PPM1L: variants seen among roughly 807,000 people sequenced by gnomAD.
PPM1L encodes protein phosphatase, Mg2+/Mn2+ dependent 1L, also known as protein phosphatase 1L.
In PPM1L, 13 loss-of-function variants were observed where a neutral mutation model predicts 31.4. The observed-to-expected ratio is 0.41, with a 90% CI of 0.27 to 0.66. PPM1L has a LOEUF of 0.66. PPM1L is among the 30% of genes least tolerant of loss of function. The pLI is 0.29. For synonymous variants in PPM1L, 184 were observed against 175.4 expected, an observed-to-expected ratio of 1.05 and a Z score of -0.39; for missense variants, 326 against 453.7, an observed-to-expected ratio of 0.72 and a Z score of 2.56.
intron 1 of PPM1L, among the ~76,000 whole-genome samples, chr3:160,913,323 G>C (rs1289973069): frequency 6.6e-6 from 1 of 152,134 alleles, no homozygotes; most frequent in Non-Finnish European, 1.5e-5. Flanking sequence ...AGTGAACCCT[G>C]ATGTCAGAGG....
intron 2 of PPM1L, among the ~76,000 whole-genome samples, chr3:160,970,931 C>A (rs970308209): frequency 2.0e-5 from 3 of 151,898 alleles, no homozygotes; most frequent in African/African-American, 7.3e-5. Context: ...GCTGGGACTA[C>A]AGGCGCCCGC....
chr3:161,015,718 T>C (rs7628389), intron 2 of PPM1L, among the ~76,000 whole-genome samples: 54,707 of 152,086 alleles, frequency 0.36, 10,365 homozygotes, highest in East Asian at 0.64. Flanking sequence ...ATCAGTTTAC[T>C]AAGCTAGCTG....
At chr3:160,983,167 TG>T (rs1336128614) in intron 2 of PPM1L, among the ~76,000 whole-genome samples, 1 of 152,200 alleles carries the variant, frequency 6.6e-6, no homozygotes, top group Non-Finnish European at 1.5e-5. Context: ...CTGTAGGCCT[TG>T]CATTTTAAAA....
At chr3:161,035,270 T>G (rs1718712641) in intron 2 of PPM1L, among the ~76,000 whole-genome samples, 1 of 151,392 alleles carries the variant, frequency 6.6e-6, no homozygotes, top group South Asian at 2.1e-4. Flanking sequence ...TTCTGCTTAT[T>G]GAATAGGTAA....
At chr3:160,776,356 A>G (rs1310867767) in intron 1 of PPM1L, among the ~76,000 whole-genome samples, 7 of 152,166 alleles carry the variant, frequency 4.6e-5, no homozygotes, top group East Asian at 1.9e-4. Flanking sequence ...TACTCATGCA[A>G]TTATTACTGA....
chr3:160,816,168 C>T (rs57828617), intron 1 of PPM1L, among the ~76,000 whole-genome samples: 13,933 of 152,028 alleles, frequency 0.092, 975 homozygotes, highest in African/African-American at 0.19. Flanking sequence ...TGATTCTTCT[C>T]TCCTCCTTAA....
intron 1 of PPM1L, among the ~76,000 whole-genome samples, chr3:160,776,693 T>G (rs1163118062): frequency 1.3e-5 from 2 of 150,296 alleles, no homozygotes; most frequent in Non-Finnish European, 3.0e-5. Context: ...AGCCTCTACC[T>G]CTGGGTTCTA....
intron 2 of PPM1L, among the ~76,000 whole-genome samples, chr3:160,996,611 G>T (rs1030525815): frequency 1.3e-5 from 2 of 152,100 alleles, no homozygotes; most frequent in East Asian, 3.9e-4. Flanking sequence ...ACATAAGAAT[G>T]ATACAGAGGG....
intron 1 of PPM1L, among the ~76,000 whole-genome samples, chr3:160,929,854 C>T (rs1714725879): frequency 6.6e-6 from 1 of 152,202 alleles, no homozygotes; most frequent in South Asian, 2.1e-4. Flanking sequence ...CAGTCTAGCA[C>T]AGTCCCCACC....
At position 160,756,704 on chromosome 3, in the gene PPM1L, AGAGGTAG is replaced by A. The variant is rs1207433928; in HGVS notation, c.399+1_399+7del. On this transcript the variant is annotated splice_donor_variant and splice_donor_region_variant and coding_sequence_variant and intron_variant, in exon 1 of 4. Transcript: ENST00000498165. LOFTEE classifies it high-confidence loss of function. The surrounding 1 kb of genome is among the most constrained non-coding windows in gnomAD (Gnocchi z 6.2). ...TCGGGATCTTCGACGGGCACGGGGG[AGAGGTAG>A]GAGCTACCCCGGGGCTTTGTATTTG... 3 of 1,612,284 alleles carry A rather than the reference AGAGGTAG, an allele frequency of 1.9e-6. No individual in the cohort carries two copies. The highest frequency in any genetic ancestry group is 2.5e-6 in the Non-Finnish European group (3 of 1,179,566).
chr3:161,042,421 C>T (rs1394611546), intron 2 of PPM1L, among the ~76,000 whole-genome samples: 1 of 152,094 alleles, frequency 6.6e-6, no homozygotes, highest in Admixed American at 6.6e-5. Context: ...CTTGTTTGAG[C>T]CAGAGCAGCA....
At chr3:161,034,981 G>C (rs1718703481) in intron 2 of PPM1L, among the ~76,000 whole-genome samples, 1 of 151,838 alleles carries the variant, frequency 6.6e-6, no homozygotes, top group Non-Finnish European at 1.5e-5. Flanking sequence ...AACTAACACA[G>C]GAACAGAAAA....
chr3:161,019,418 G>A (rs902753576), intron 2 of PPM1L, among the ~76,000 whole-genome samples: 1 of 151,986 alleles, frequency 6.6e-6, no homozygotes, highest in Non-Finnish European at 1.5e-5. Flanking sequence ...GGTTGGTCTC[G>A]AACTCCAGAT....
chr3:160,824,743 A>G (rs1267681102), intron 1 of PPM1L, among the ~76,000 whole-genome samples: 1 of 152,170 alleles, frequency 6.6e-6, no homozygotes, highest in Non-Finnish European at 1.5e-5. Flanking sequence ...GTATAGATTT[A>G]TGTTTTTCAG....
rs1711631156 is a variant in PPM1L, at chr3:160,854,858, A to G, written c.399+98151A>G. Among the ~76,000 whole-genome samples the G allele has an allele frequency of 2.1e-5, 3 of 143,130 alleles. No individual in the cohort carries two copies. The Admixed American group carries it at 2.1e-4, about 10-fold the overall frequency. 93.9% of individuals were successfully genotyped at this position (143,130 alleles called of 152,430 possible). ...TTGTTCAAAGAATTAGAAAAAAACT[A>G]TTCTAAAATTCATGTGGAACCAAAA... On this transcript the variant is annotated intron_variant, in intron 1 of 3. Transcript: ENST00000498165.
intron 2 of PPM1L, among the ~76,000 whole-genome samples, chr3:161,056,767 A>G (rs1013464469): frequency 3.3e-5 from 5 of 151,918 alleles, no homozygotes; most frequent in Non-Finnish European, 7.4e-5. Flanking sequence ...CACTCTTATA[A>G]GAATACAGCA....
chr3:160,957,374 G>A (rs1275059806), intron 1 of PPM1L, among the ~76,000 whole-genome samples: 1 of 152,158 alleles, frequency 6.6e-6, no homozygotes, highest in African/African-American at 2.4e-5. Context: ...ATGCGAGCAT[G>A]TGTCTTTATA....
chr3:160,888,792 G>A (rs1040367448), intron 1 of PPM1L, among the ~76,000 whole-genome samples: 10 of 152,110 alleles, frequency 6.6e-5, no homozygotes, highest in African/African-American at 2.4e-4. Context: ...CTCAGCAAAT[G>A]CAAAAGAACT....
chr3:160,957,925 T>A (rs1318045638), intron 1 of PPM1L, among the ~76,000 whole-genome samples: 1 of 152,180 alleles, frequency 6.6e-6, no homozygotes, highest in Non-Finnish European at 1.5e-5. Flanking sequence ...GATGTTGAGC[T>A]TTTTTTCATG....
Sources: allele counts gnomAD v4.1 joint callset (sites outside exome capture counted in the v4.1 genomes callset), GRCh38; gene constraint gnomAD v4.1.1; non-coding constraint Gnocchi (gnomAD v3.1); transcripts MANE v1.5; gene names NCBI Gene and HGNC (gene_info 2026-07-23, HGNC 2026-07-21).